SRPK1: variants seen among roughly 807,000 people sequenced by gnomAD.
SRPK1 encodes the protein SRSF protein kinase 1.
SRPK1 carries 52 observed loss-of-function variants against 89.5 expected under a neutral mutation model. The ratio of observed to expected loss-of-function variants is 0.58; its 90% CI spans 0.46 to 0.73. SRPK1 has a LOEUF of 0.73. Ranked by LOEUF, SRPK1 falls within the 30% of genes least tolerant of loss-of-function variation. The probability of loss-of-function intolerance (pLI) is 0.00; values close to 1 mark genes in which losing one functional copy is unlikely to be tolerated. For synonymous variants in SRPK1, 255 were observed against 270.2 expected (o/e 0.94, Z 0.55); for missense variants, 603 against 780.6 (o/e 0.77, Z 2.71).
chr6:35,864,856 TA>T (rs939233967), intron 12 of SRPK1, among the ~76,000 whole-genome samples: 1 of 152,110 alleles, frequency 6.6e-6, no homozygotes, highest in Non-Finnish European at 1.5e-5. Context: ...TATTCAGCCA[TA>T]AAAAAGAATG....
intron 2 of SRPK1, chr6:35,919,963 C>T: frequency 2.5e-6 from 1 of 404,260 alleles, no homozygotes; most frequent in Non-Finnish European, 4.9e-6. Flanking sequence ...TTGACTAACC[C>T]AGGGAAAAGC....
At chr6:35,842,673 T>C in intron 13 of SRPK1, 69 bp from the exon 14 acceptor site, 2 of 1,195,306 alleles carry the variant, frequency 1.7e-6, no homozygotes, top group Non-Finnish European at 2.3e-6. Context: ...CTGATTGCTA[T>C]TTGGCTCAAT....
chr6:35,914,311 AG>A (rs1360485410), intron 2 of SRPK1, among the ~76,000 whole-genome samples: 1 of 152,160 alleles, frequency 6.6e-6, no homozygotes, highest in Admixed American at 6.6e-5. Context: ...CTTAAGATCA[AG>A]AAAAAGATCA....
chr6:35,914,330 AAT>A (rs1561999374), intron 2 of SRPK1, among the ~76,000 whole-genome samples: 1 of 152,178 alleles, frequency 6.6e-6, no homozygotes, highest in Non-Finnish European at 1.5e-5. Flanking sequence ...TCAACAATCT[AAT>A]ATTAAAAATG....
At chr6:35,885,298 C>CACACACACAGAGAGAGAGAGAGAG (rs1276672274) in intron 6 of SRPK1, among the ~76,000 whole-genome samples, 3 of 113,114 alleles carry the variant, frequency 2.7e-5, no homozygotes, top group African/African-American at 1.1e-4. Context: ...CACACACACA[C>CACACACACAGAGAGAGAGAGAGAG]AGAGAGAGAG....
chr6:35,873,512 T>C (rs1203109291), intron 7 of SRPK1, among the ~76,000 whole-genome samples: 6 of 151,524 alleles, frequency 4.0e-5, no homozygotes, highest in South Asian at 2.1e-4. Context: ...TTTTTTGAGA[T>C]GGAGTCTTGC....
Position 35,905,214 on chromosome 6 carries a change from A to C in SRPK1, c.75-14201T>G, listed in dbSNP as rs570824830. ...AATCTGGAGAATCACATAAAAACAA[A>C]GTTCTAGCTTCTGTTGAAAAAGCTG... On this transcript the variant is annotated intron_variant, in intron 2 of 15. Coordinates refer to ENST00000373825, the MANE Select transcript of SRPK1 (RefSeq NM_003137.5). 7.2e-5 allele frequency among the ~76,000 whole-genome samples: 11 copies of C among 152,296 alleles called. No homozygotes were observed. The South Asian group carries it at 2.1e-3, about 29-fold the overall frequency.
intron 2 of SRPK1, among the ~76,000 whole-genome samples, chr6:35,891,580 G>A (rs189104718): frequency 2.1e-3 from 313 of 151,992 alleles, no homozygotes; most frequent in African/African-American, 6.5e-3. Flanking sequence ...AATTTGCCCA[G>A]CGTGGTGGTG....
At chr6:35,880,384 A>G (rs1198263266) in intron 6 of SRPK1, among the ~76,000 whole-genome samples, 4 of 152,076 alleles carry the variant, frequency 2.6e-5, no homozygotes, top group African/African-American at 7.2e-5. Context: ...CCTGTGGGAC[A>G]TCATTGAGTA....
Position 35,892,687 on chromosome 6 carries a change from A to ACGACG in SRPK1, c.75-1675_75-1674insCGTCG, listed in dbSNP as rs1561989638. ...CAACAACAACAACAACAACAACAAC[A>ACGACG]ACGACAACAACACAAAACAAAACAA... On this transcript the variant is annotated intron_variant, in intron 2 of 15. Transcript: ENST00000373825. Among the ~76,000 whole-genome samples the ACGACG allele has an allele frequency of 4.6e-3, 582 of 126,576 alleles. 2 individuals are homozygous for ACGACG. Among genetic ancestry groups the ACGACG allele is most frequent in the African/African-American group, 0.019 (554 of 29,792 alleles). The allele number at this position is 126,576 out of a possible 152,430, so 83.0% of individuals were successfully genotyped here.
At chr6:35,839,368 A>G (rs1467187166) in intron 14 of SRPK1, among the ~76,000 whole-genome samples, 2 of 152,270 alleles carry the variant, frequency 1.3e-5, no homozygotes, top group Admixed American at 1.3e-4. Flanking sequence ...GAATGGCCTA[A>G]CTTGAAACTT....
chr6:35,879,988 G>A (rs1770237150), intron 6 of SRPK1, among the ~76,000 whole-genome samples: 1 of 151,202 alleles, frequency 6.6e-6, no homozygotes, highest in Non-Finnish European at 1.5e-5. Flanking sequence ...TTGAGTCTGG[G>A]TAGTCAAGGC....
At chr6:35,859,776 T>C (rs745610105) in intron 12 of SRPK1, among the ~76,000 whole-genome samples, 1 of 152,326 alleles carries the variant, frequency 6.6e-6, no homozygotes, top group Admixed American at 6.5e-5. Flanking sequence ...CACACATGTA[T>C]TGTTCACCGC....
At chr6:35,920,889 C>T in intron 1 of SRPK1, 155 bp downstream of exon 1, 1 of 761,734 alleles carries the variant, frequency 1.3e-6, no homozygotes, top group Non-Finnish European at 1.9e-6. Flanking sequence ...GACCCGCAGC[C>T]CAGAGGCAGG....
At chr6:35,920,429 G>A in intron 2 of SRPK1, 39 bp downstream of exon 2, 3 of 1,608,410 alleles carry the variant, frequency 1.9e-6, no homozygotes, top group Non-Finnish European at 1.7e-6. Context: ...GGTGCCGGAG[G>A]AAAATCCAAA....
intron 8 of SRPK1, among the ~76,000 whole-genome samples, chr6:35,872,355 T>TG (rs1224714045): frequency 6.6e-6 from 1 of 152,250 alleles, no homozygotes; most frequent in Non-Finnish European, 1.5e-5. Context: ...CACCAGCTTT[T>TG]ATAACATACA....
chr6:35,897,445 T>C (rs1177498810), intron 2 of SRPK1, among the ~76,000 whole-genome samples: 1 of 152,200 alleles, frequency 6.6e-6, no homozygotes, highest in African/African-American at 2.4e-5. Context: ...AAGTAGTTGC[T>C]TTAGGAAGTA....
intron 13 of SRPK1, among the ~76,000 whole-genome samples, chr6:35,854,124 T>C (rs1455180653): frequency 6.6e-6 from 1 of 152,104 alleles, no homozygotes; most frequent in Admixed American, 6.6e-5. Context: ...CTAATTTTTG[T>C]ATTTTTAGTA....
intron 12 of SRPK1, among the ~76,000 whole-genome samples, chr6:35,860,314 T>C (rs1769754362): frequency 6.6e-6 from 1 of 152,178 alleles, no homozygotes; most frequent in African/African-American, 2.4e-5. Context: ...CCTTCATGAA[T>C]GGATTAATGG....
Sources: allele counts gnomAD v4.1 joint callset (sites outside exome capture counted in the v4.1 genomes callset), GRCh38; gene constraint gnomAD v4.1.1; transcripts MANE v1.5; gene names NCBI Gene and HGNC (gene_info 2026-07-23, HGNC 2026-07-21).